The following UBE2E1 variants were observed in gnomAD, a reference collection of about 807,000 sequenced individuals.
UBE2E1 encodes the protein ubiquitin conjugating enzyme E2 E1.
A neutral mutation model predicts 21.4 loss-of-function variants in UBE2E1; 6 were observed. The observed-to-expected ratio is 0.28, with a 90% confidence interval of 0.15 to 0.55. UBE2E1 has a LOEUF of 0.55. Among genes scored for constraint, UBE2E1 ranks in the 20% least tolerant of loss-of-function variants. The pLI is 0.93. For missense variants in UBE2E1, 142 were observed against 236.5 expected (o/e 0.60, Z 2.62); for synonymous variants, 87 against 82.7 (o/e 1.05, Z -0.28).
intron 3 of UBE2E1, among the ~76,000 whole-genome samples, chr3:23,873,504 T>C (rs997672571): frequency 6.6e-6 from 1 of 152,086 alleles, no homozygotes; most frequent in African/African-American, 2.4e-5. Context: ...CCCAGCACTT[T>C]GGGGAGGCTG....
At position 23,863,513 on chromosome 3, in the gene UBE2E1, T is replaced by C. The variant is rs940193758; in HGVS notation, c.204-24054T>C. On this transcript the variant is annotated intron_variant, in intron 3 of 5. Transcript: ENST00000306627. This position sits in a 1 kb window ranked among gnomAD's most constrained non-coding sequence, Gnocchi z 4.3. ...CTCAAAAGACATTCAGATGCATAGG[T>C]TTTATATAAATTTTATTTTACTTTT... 2.0e-5 allele frequency among the ~76,000 whole-genome samples: 3 copies of C among 152,076 alleles called. No individual in the cohort carries two copies. Among genetic ancestry groups the C allele is most frequent in the Admixed American group, 6.5e-5 (1 of 15,272 alleles).
chr3:23,889,503 C>A, intron 5 of UBE2E1: 1 of 1,378,668 alleles, frequency 7.3e-7, no homozygotes, highest in Non-Finnish European at 9.3e-7. Context: ...TTGCCTTGGG[C>A]TTTTAGTTTC....
chr3:23,848,330 G>A (rs991021422), intron 3 of UBE2E1, among the ~76,000 whole-genome samples: 23 of 152,078 alleles, frequency 1.5e-4, no homozygotes, highest in African/African-American at 5.3e-4. Context: ...TTAGCTGGGT[G>A]TGGTGGCCAC....
chr3:23,882,295 CT>C (rs760642489), intron 3 of UBE2E1, among the ~76,000 whole-genome samples: 108 of 152,338 alleles, frequency 7.1e-4, no homozygotes, highest in African/African-American at 1.4e-3. Context: ...AATCTCTGAG[CT>C]AGACACAAAA....
intron 3 of UBE2E1, among the ~76,000 whole-genome samples, chr3:23,843,852 A>G (rs1700141254): frequency 6.6e-6 from 1 of 152,184 alleles, no homozygotes; most frequent in African/African-American, 2.4e-5. Context: ...CTTAAAACTT[A>G]ATTCTTCTTT....
chr3:23,820,474 C>T (rs1559476491), intron 3 of UBE2E1, among the ~76,000 whole-genome samples: 2 of 152,192 alleles, frequency 1.3e-5, no homozygotes, highest in African/African-American at 2.4e-5. Flanking sequence ...CTCAGGAAAT[C>T]TTACAAAGCC....
At position 23,870,481 on chromosome 3, in the gene UBE2E1, T is replaced by G. The variant is rs1431794052; in HGVS notation, c.204-17086T>G. ...GCCTATTGCTATGGGCAGAGCAGCT[T>G]TAAGCACAGAGGCGCAGATAGGGGT... On this transcript the variant is annotated intron_variant, in intron 3 of 5. Transcript: ENST00000306627. The surrounding 1 kb of genome is among the most constrained non-coding windows in gnomAD (Gnocchi z 4.2). Among the ~76,000 whole-genome samples the G allele has an allele frequency of 6.6e-6, 1 of 152,118 alleles. No homozygotes were observed. The highest frequency in any genetic ancestry group is 1.5e-5 in the Non-Finnish European group (1 of 68,014).
intron 3 of UBE2E1, among the ~76,000 whole-genome samples, chr3:23,881,181 A>G (rs1004780674): frequency 7.9e-5 from 12 of 152,158 alleles, no homozygotes; most frequent in Admixed American, 7.9e-4. Context: ...CCCCGCTCCT[A>G]TTGTTTACAT....
Position 23,808,234 on chromosome 3 carries a change from T to G in UBE2E1, c.152+813T>G, listed in dbSNP as rs1159964753. On this transcript the variant is annotated intron_variant, in intron 2 of 5. Coordinates refer to ENST00000306627, the MANE Select transcript of UBE2E1 (RefSeq NM_003341.5). The surrounding 1 kb of genome is among the most constrained non-coding windows in gnomAD (Gnocchi z 4.9). ...CATCCTAAGCGGTCACCCTTTTTCT[T>G]TATTCTTTTCCTCTTAAGCCTCTGG... is the stretch of plus-strand genomic sequence containing the variant. Among the ~76,000 whole-genome samples, 1 of 152,172 alleles carries G rather than the reference T, an allele frequency of 6.6e-6. No individual in the cohort carries two copies. Among genetic ancestry groups the G allele is most frequent in the East Asian group, 1.9e-4 (1 of 5,190 alleles).
chr3:23,878,850 A>T (rs532665231), intron 3 of UBE2E1: 1 of 303,568 alleles, frequency 3.3e-6, no homozygotes, highest in East Asian at 8.2e-5. Context: ...TCACAATGTA[A>T]TACTAATAGA....
At position 23,890,773 on chromosome 3, in the gene UBE2E1, T is replaced by C; in HGVS notation, c.*167T>C. ...TTTGTTGTAACTTAAGGTATCTTGC[T>C]ACAGTAGACAGAATTGGTAATAGCA... On this transcript the variant is annotated 3_prime_UTR_variant, in exon 6 of 6. Coordinates refer to ENST00000306627, the MANE Select transcript of UBE2E1 (RefSeq NM_003341.5). 1 of 541,668 alleles carries C rather than the reference T, an allele frequency of 1.8e-6. No individual in the cohort carries two copies. The highest frequency in any genetic ancestry group is 3.0e-6 in the Non-Finnish European group (1 of 332,246). 33.6% of individuals were successfully genotyped at this position (541,668 alleles called of 1,614,324 possible).
intron 3 of UBE2E1, among the ~76,000 whole-genome samples, chr3:23,848,309 A>G (rs925287565): frequency 1.3e-5 from 2 of 152,150 alleles, no homozygotes; most frequent in Non-Finnish European, 1.5e-5. Flanking sequence ...TCTCTCTTAA[A>G]AATACAAAAA....
At chr3:23,871,860 C>T (rs1483756307) in intron 3 of UBE2E1, among the ~76,000 whole-genome samples, 61 of 151,492 alleles carry the variant, frequency 4.0e-4, no homozygotes, top group Non-Finnish European at 7.4e-4. Context: ...GGGATGGCGG[C>T]GGGGCAGAGA....
rs1030873804 is a variant in UBE2E1 at position 23,876,984 on chromosome 3, C to G, written c.204-10583C>G. Among the ~76,000 whole-genome samples, 1 of 152,222 alleles carries G rather than the reference C, an allele frequency of 6.6e-6. No homozygotes were observed. The highest frequency in any genetic ancestry group is 1.5e-5 in the Non-Finnish European group (1 of 68,034). On this transcript the variant is annotated intron_variant, in intron 3 of 5. Coordinates refer to ENST00000306627, the MANE Select transcript of UBE2E1 (RefSeq NM_003341.5). The surrounding 1 kb of genome is among the most constrained non-coding windows in gnomAD (Gnocchi z 4.3). ...ACTTGAGCCAGCTGTGATTGAGCCA[C>G]TGCACTCCAGCTTGAGCAACAGAGT... is the stretch of plus-strand genomic sequence containing the variant.
intron 3 of UBE2E1, among the ~76,000 whole-genome samples, chr3:23,812,201 G>A (rs1053641059): frequency 5.4e-5 from 8 of 148,740 alleles, no homozygotes; most frequent in African/African-American, 2.0e-4. Flanking sequence ...AAGACTTGAT[G>A]ACTTTACTAG....
chr3:23,879,455 C>T (rs532063701), intron 3 of UBE2E1: 174 of 418,006 alleles, frequency 4.2e-4, no homozygotes, highest in African/African-American at 3.0e-3. Context: ...AAATGAAGGC[C>T]GACTGGACAG....
chr3:23,827,142 G>A (rs181274354), intron 3 of UBE2E1, among the ~76,000 whole-genome samples: 239 of 151,800 alleles, frequency 1.6e-3, no homozygotes, highest in African/African-American at 5.6e-3. Context: ...GACATAACAT[G>A]GCTATTTGCT....
chr3:23,873,743 C>T (rs975421546), intron 3 of UBE2E1, among the ~76,000 whole-genome samples: 17 of 151,992 alleles, frequency 1.1e-4, no homozygotes, highest in African/African-American at 2.4e-5. Flanking sequence ...GAGACTCCGT[C>T]TCAAGAAAAA....
At chr3:23,867,286 T>G (rs970761432) in intron 3 of UBE2E1, among the ~76,000 whole-genome samples, 1 of 152,178 alleles carries the variant, frequency 6.6e-6, no homozygotes, top group African/African-American at 2.4e-5. Context: ...TGTGTTAGGG[T>G]ACTTTTCTGT....
Sources: gnomAD v4.1 joint callset for allele counts (sites outside exome capture counted in the v4.1 genomes callset) on GRCh38, gnomAD v4.1.1 for gene constraint, Gnocchi (gnomAD v3.1) non-coding constraint, MANE v1.5 for transcripts, NCBI Gene and HGNC (gene_info 2026-07-23, HGNC 2026-07-21) for gene names.